CDH13: variants seen among roughly 807,000 people sequenced by gnomAD.
CDH13 encodes the protein cadherin 13, also known as cadherin-13.
A neutral mutation model predicts 63.8 loss-of-function variants in CDH13; 24 were observed. The observed-to-expected ratio is 0.38, with a 90% CI of 0.27 to 0.53. CDH13 has a LOEUF of 0.53. Ranked by LOEUF, CDH13 falls within the 20% of genes least tolerant of loss-of-function variation. The pLI is 0.85. For synonymous variants in CDH13, 503 were observed against 355.3 expected, an observed-to-expected ratio of 1.42 and a Z score of -4.67; for missense variants, 1,049 against 903.1, an observed-to-expected ratio of 1.16 and a Z score of -2.07.
chr16:82,761,017 C>CTTTCTTTTTTTTTTT (rs2034820362), intron 1 of CDH13, among the ~76,000 whole-genome samples: 2 of 40,452 alleles, frequency 4.9e-5, no homozygotes, highest in African/African-American at 1.8e-4. Context: ...TTCTTTCTTT[C>CTTTCTTTTTTTTTTT]TTTTTTTTTT....
intron 6 of CDH13, among the ~76,000 whole-genome samples, chr16:83,424,798 C>G (rs1443915468): frequency 6.6e-6 from 1 of 152,136 alleles, no homozygotes; most frequent in South Asian, 2.1e-4. Context: ...CAGTCAGAGA[C>G]CAATTTTAAT....
intron 1 of CDH13, among the ~76,000 whole-genome samples, chr16:82,639,901 C>T (rs1266000982): frequency 1.3e-5 from 2 of 152,204 alleles, no homozygotes; most frequent in African/African-American, 2.4e-5. Flanking sequence ...TGCACCGTCC[C>T]GCCACCTGGT....
At chr16:83,606,726 CAAA>C (rs11424833) in intron 8 of CDH13, among the ~76,000 whole-genome samples, 1 of 138,394 alleles carries the variant, frequency 7.2e-6, no homozygotes, top group African/African-American at 2.8e-5. Flanking sequence ...GACCCAGTTT[CAAA>C]AAAAAAAAAA....
At chr16:83,512,253 G>A (rs566431988) in intron 7 of CDH13, among the ~76,000 whole-genome samples, 27 of 151,390 alleles carry the variant, frequency 1.8e-4, no homozygotes, top group African/African-American at 6.1e-4. Flanking sequence ...CCCGGGAGGC[G>A]AAGCTTGCAG....
chr16:83,280,236 C>T (rs996224856), intron 5 of CDH13, among the ~76,000 whole-genome samples: 1 of 152,190 alleles, frequency 6.6e-6, no homozygotes, highest in African/African-American at 2.4e-5. Context: ...TCAAACCCTG[C>T]TGCTGCTTTG....
chr16:83,594,279 A>C (rs1315976242), intron 7 of CDH13, among the ~76,000 whole-genome samples: 3 of 152,220 alleles, frequency 2.0e-5, no homozygotes, highest in Non-Finnish European at 4.4e-5. Flanking sequence ...TGTATTCAGC[A>C]CTTTACCTCT....
In CDH13 at chr16:83,003,195, C is replaced by T. The variant is rs549419656; in HGVS notation, c.158-28815C>T. 5.3e-5 allele frequency among the ~76,000 whole-genome samples: 8 copies of T among 152,264 alleles called. No individual in the cohort carries two copies. In the South Asian group the frequency reaches 1.7e-3, roughly 32 times the overall value. ...TCCCATATGACAGTCTTGATAAGCC[C>T]AGCTGGCCTCTGAGGCCAATGCAAA... On this transcript the variant is annotated intron_variant, in intron 2 of 13. Transcript: ENST00000567109.
At chr16:83,338,009 C>T (rs1032009077) in intron 5 of CDH13, among the ~76,000 whole-genome samples, 2 of 151,942 alleles carry the variant, frequency 1.3e-5, no homozygotes, top group African/African-American at 2.4e-5. Flanking sequence ...GTGTTACAGT[C>T]GGACCTAAGT....
At chr16:83,263,297 C>T (rs920507703) in intron 5 of CDH13, among the ~76,000 whole-genome samples, 1 of 152,226 alleles carries the variant, frequency 6.6e-6, no homozygotes, top group Admixed American at 6.5e-5. Context: ...TGTCTGCTTG[C>T]TCCTCAAACA....
At chr16:83,612,015 T>C (rs1373408016) in intron 8 of CDH13, among the ~76,000 whole-genome samples, 1 of 152,074 alleles carries the variant, frequency 6.6e-6, no homozygotes, top group Non-Finnish European at 1.5e-5. Flanking sequence ...GTGATCTATA[T>C]ACATCAGTTA....
intron 2 of CDH13, among the ~76,000 whole-genome samples, chr16:83,027,240 G>A (rs1447583802): frequency 6.6e-6 from 1 of 152,004 alleles, no homozygotes; most frequent in Non-Finnish European, 1.5e-5. Context: ...TGCTGAAGAT[G>A]TAAAGATGAA....
chr16:83,232,542 C>CAAAAAA (rs1341661333), intron 5 of CDH13, among the ~76,000 whole-genome samples: 1 of 109,334 alleles, frequency 9.1e-6, no homozygotes, highest in East Asian at 2.1e-4. Flanking sequence ...ACAACAACAA[C>CAAAAAA]AACAAACAAA....
At chr16:83,470,930 T>A (rs1188201398) in intron 6 of CDH13, among the ~76,000 whole-genome samples, 1 of 152,174 alleles carries the variant, frequency 6.6e-6, no homozygotes, top group Admixed American at 6.5e-5. Context: ...TTCCAGAGGC[T>A]CCAGGGGAGA....
chr16:82,775,643 T>C (rs2035458693), intron 1 of CDH13, among the ~76,000 whole-genome samples: 1 of 152,202 alleles, frequency 6.6e-6, no homozygotes, highest in African/African-American at 2.4e-5. Context: ...CAGGCCTCTC[T>C]AACTGCTAAG....
chr16:83,319,393 A>G (rs532888949), intron 5 of CDH13, among the ~76,000 whole-genome samples: 8 of 152,318 alleles, frequency 5.3e-5, no homozygotes, highest in Non-Finnish European at 1.2e-4. Context: ...CCTAGATGTC[A>G]TCAAAGCCAG....
At chr16:83,508,464 C>G (rs1012328625) in intron 7 of CDH13, 1 of 153,160 alleles carries the variant, frequency 6.5e-6, no homozygotes, top group Non-Finnish European at 1.5e-5. Context: ...TACAGGCTTT[C>G]AACCTGTTAA....
At chr16:83,692,885 C>G (rs972549044) in intron 10 of CDH13, among the ~76,000 whole-genome samples, 2 of 152,088 alleles carry the variant, frequency 1.3e-5, no homozygotes, top group Admixed American at 1.3e-4. Flanking sequence ...AGTTCAAGAC[C>G]AACCTGGCCA....
chr16:83,683,040 C>A (rs1282570355), intron 10 of CDH13, among the ~76,000 whole-genome samples: 1 of 152,238 alleles, frequency 6.6e-6, no homozygotes, highest in Admixed American at 6.5e-5. Flanking sequence ...TGCTCCTCGG[C>A]TGACCGCGGC....
chr16:83,335,744 T>C (rs981332700), intron 5 of CDH13, among the ~76,000 whole-genome samples: 1 of 152,154 alleles, frequency 6.6e-6, no homozygotes, highest in Non-Finnish European at 1.5e-5. Flanking sequence ...TATCCTGTTT[T>C]GTTCCGATCT....
Sources: gnomAD v4.1 joint callset for allele counts (sites outside exome capture counted in the v4.1 genomes callset) on GRCh38, gnomAD v4.1.1 for gene constraint, MANE v1.5 for transcripts, NCBI Gene and HGNC (gene_info 2026-07-23, HGNC 2026-07-21) for gene names.